Variants in PIEZO2 observed in about 807,000 individuals in gnomAD.
PIEZO2 encodes piezo type mechanosensitive ion channel component 2.
PIEZO2 carries 172 observed loss-of-function variants against 337.3 expected under a neutral mutation model. That is an observed-to-expected ratio of 0.51 (90% CI 0.45 to 0.58). The LOEUF is 0.58. Among genes scored for constraint, PIEZO2 ranks in the 20% least tolerant of loss-of-function variants. The pLI, the probability that PIEZO2 is intolerant of heterozygous loss-of-function variation, is 0.00. For synonymous variants in PIEZO2, 1,251 were observed against 1,228.5 expected (o/e 1.02, Z -0.38); for missense variants, 3,028 against 3,391.3 (o/e 0.89, Z 2.66).
chr18:10,894,998 A>T lies in PIEZO2; in HGVS notation c.329+16188T>A, dbSNP rs1179951123. Among the ~76,000 whole-genome samples the T allele has an allele frequency of 6.6e-6, 1 of 152,198 alleles. No homozygotes were observed. Among genetic ancestry groups the T allele is most frequent in the African/African-American group, 2.4e-5 (1 of 41,454 alleles). On this transcript the variant is annotated intron_variant, in intron 4 of 55. Coordinates refer to ENST00000674853, the MANE Select transcript of PIEZO2 (RefSeq NM_001378183.1). This position sits in a 1 kb window ranked among gnomAD's most constrained non-coding sequence, Gnocchi z 4.1. Reference sequence around the variant, plus strand: ...ATCCCTCCCTCTCTTTCCTGAGATGAGAGTCTGTAATGAAGAATTTGCCCG... The same window carrying T: ...ATCCCTCCCTCTCTTTCCTGAGATGTGAGTCTGTAATGAAGAATTTGCCCG...
chr18:11,116,468 C>A lies in PIEZO2; in HGVS notation c.64+32057G>T, dbSNP rs939626880. On this transcript the variant is annotated intron_variant, in intron 1 of 55. Transcript: ENST00000674853. This position sits in a 1 kb window ranked among gnomAD's most constrained non-coding sequence, Gnocchi z 5.0. ...GTGGCTCACGCCTGTAAACCCAGCA[C>A]TTTGGGAGGCCGAGCTGGGCGGATC... 2.0e-5 allele frequency among the ~76,000 whole-genome samples: 3 copies of A among 151,936 alleles called. No individual in the cohort carries two copies. Among genetic ancestry groups the A allele is most frequent in the African/African-American group, 7.3e-5 (3 of 41,334 alleles).
intron 2 of PIEZO2, among the ~76,000 whole-genome samples, chr18:10,998,464 G>A (rs369083588): frequency 6.6e-6 from 1 of 152,038 alleles, no homozygotes; most frequent in Non-Finnish European, 1.5e-5. Context: ...TACTTGGTGT[G>A]TACAGAAATA....
At chr18:10,736,875 G>T (rs1454016979) in intron 33 of PIEZO2, among the ~76,000 whole-genome samples, 165 bp from the exon 34 acceptor site, 1 of 152,166 alleles carries the variant, frequency 6.6e-6, no homozygotes, top group African/African-American at 2.4e-5. Context: ...CTCATCTTCG[G>T]CTAATGCTAC....
chr18:10,993,773 C>T lies in PIEZO2; in HGVS notation c.161-14113G>A, dbSNP rs998656927. On this transcript the variant is annotated intron_variant, in intron 2 of 55. Transcript: ENST00000674853. The surrounding 1 kb of genome is among the most constrained non-coding windows in gnomAD (Gnocchi z 5.0). Reference sequence around the variant, plus strand: ...CGATCTCCTGACTTCGTGATCTGCCCGCTTCGGCCTCCCAAAGTGCTGGGA... The same window carrying T: ...CGATCTCCTGACTTCGTGATCTGCCTGCTTCGGCCTCCCAAAGTGCTGGGA... 3.3e-5 allele frequency among the ~76,000 whole-genome samples: 5 copies of T among 152,110 alleles called. No homozygotes were observed. Among genetic ancestry groups the T allele is most frequent in the African/African-American group, 7.2e-5 (3 of 41,404 alleles).
intron 16 of PIEZO2, among the ~76,000 whole-genome samples, chr18:10,785,965 C>A (rs188963732): frequency 7.1e-4 from 108 of 152,314 alleles, no homozygotes; most frequent in Non-Finnish European, 1.3e-3. Context: ...CCACTCACCC[C>A]CTGTCTTCAG....
At chr18:11,023,704 G>A (rs960198568) in intron 2 of PIEZO2, among the ~76,000 whole-genome samples, 17 of 152,310 alleles carry the variant, frequency 1.1e-4, no homozygotes, top group African/African-American at 2.6e-4. Context: ...AGGGGGCGGC[G>A]CTCGTCCGGG....
chr18:10,931,678 T>G (rs1329289933), intron 3 of PIEZO2, among the ~76,000 whole-genome samples: 1 of 149,406 alleles, frequency 6.7e-6, no homozygotes, highest in Non-Finnish European at 1.5e-5. Flanking sequence ...CCTCTCATTC[T>G]CTCACTCTTT....
chr18:11,124,226 T>A (rs1384136775), intron 1 of PIEZO2, among the ~76,000 whole-genome samples: 2 of 152,164 alleles, frequency 1.3e-5, no homozygotes, highest in East Asian at 3.9e-4. Flanking sequence ...TGTGAGTTGC[T>A]CAATATTTGC....
At chr18:10,776,606 G>T (rs569193927) in intron 18 of PIEZO2, among the ~76,000 whole-genome samples, 87 of 152,240 alleles carry the variant, frequency 5.7e-4, no homozygotes, top group African/African-American at 2.0e-3. Context: ...TTTCTTCATC[G>T]GGAATCTGTT....
At chr18:10,798,786 G>C (rs2039700267) in intron 11 of PIEZO2, among the ~76,000 whole-genome samples, 2 of 152,162 alleles carry the variant, frequency 1.3e-5, no homozygotes, top group African/African-American at 4.8e-5. Flanking sequence ...GCTGACTCTT[G>C]GGCCCTGTGT....
Position 10,870,156 on chromosome 18 carries a change from C to T in PIEZO2, c.492+1097G>A, listed in dbSNP as rs897282102. ...CTCCCAAGGTGCTGGGATTACAGGT[C>T]TGAGCCACAGTGCCTGGCTAGACAA... On this transcript the variant is annotated intron_variant, in intron 5 of 55. Coordinates refer to ENST00000674853, the MANE Select transcript of PIEZO2 (RefSeq NM_001378183.1). The surrounding 1 kb of genome is among the most constrained non-coding windows in gnomAD (Gnocchi z 5.3). 1.3e-5 allele frequency among the ~76,000 whole-genome samples: 2 copies of T among 152,308 alleles called. No homozygotes were observed. The highest frequency in any genetic ancestry group is 4.1e-4 in the South Asian group (2 of 4,824).
intron 3 of PIEZO2, among the ~76,000 whole-genome samples, chr18:10,955,877 T>C (rs2033499579): frequency 6.6e-6 from 1 of 152,232 alleles, no homozygotes; most frequent in African/African-American, 2.4e-5. Flanking sequence ...TTGTTTGTTT[T>C]TAAGCTACCA....
chr18:10,752,822 G>A lies in PIEZO2; in HGVS notation c.3981C>T (p.Leu1327=), dbSNP rs952079724. The A allele has an allele frequency of 3.9e-6, 6 of 1,537,008 alleles. No individual in the cohort carries two copies. Among genetic ancestry groups the A allele is most frequent in the African/African-American group, 1.4e-5 (1 of 73,018 alleles). The change falls in exon 28 of 56, where the codon CTC becomes CTT. Residue 1327 remains leucine, a synonymous_variant. Coordinates refer to ENST00000674853, the MANE Select transcript of PIEZO2 (RefSeq NM_001378183.1). ...TGGTCCCAGTGATGAAGATGATGGT[G>A]AGCACAAACCAGAAGAGGTAGCTGA... ...IIFSYLFWFV[L]TIIFITGTTR... is the part of the protein sequence containing the mutation.
intron 7 of PIEZO2, among the ~76,000 whole-genome samples, chr18:10,852,467 C>G (rs538812506): frequency 6.6e-6 from 1 of 151,428 alleles, no homozygotes; most frequent in Non-Finnish European, 1.5e-5. Flanking sequence ...CATGTGCCCT[C>G]TCTCTCTCTC....
Position 10,863,190 on chromosome 18 carries a change from A to G in PIEZO2, c.493-5979T>C, listed in dbSNP as rs1453753635. Among the ~76,000 whole-genome samples the G allele has an allele frequency of 6.6e-6, 1 of 152,206 alleles. No homozygotes were observed. The highest frequency in any genetic ancestry group is 2.4e-5 in the African/African-American group (1 of 41,442). ...AACAGAATGGGTTCATCTCAATACA[A>G]GAGCCAGAGGAAGGAAAAGACAAGG... On this transcript the variant is annotated intron_variant, in intron 5 of 55. Coordinates refer to ENST00000674853, the MANE Select transcript of PIEZO2 (RefSeq NM_001378183.1). This position sits in a 1 kb window ranked among gnomAD's most constrained non-coding sequence, Gnocchi z 4.3.
chr18:10,708,221 AG>A (rs78656691), intron 40 of PIEZO2, 53 bp downstream of exon 40: 46,054 of 152,480 alleles, frequency 0.3, 7,163 homozygotes, highest in East Asian at 0.4. Flanking sequence ...AGTGACATAA[AG>A]GGGGGGAAGA....
Position 10,746,944 on chromosome 18 carries a change from T to C in PIEZO2, c.4424+1527A>G, listed in dbSNP as rs8087902. The stretch of plus-strand genomic sequence containing the variant: ...CGATACCAGGTGTACTGTAGTAGAA[T>C]TGCTTGCTCATGTGCCACTTTCCTG... On this transcript the variant is annotated intron_variant, in intron 30 of 55. Coordinates refer to ENST00000674853, the MANE Select transcript of PIEZO2 (RefSeq NM_001378183.1). This position sits in a 1 kb window ranked among gnomAD's most constrained non-coding sequence, Gnocchi z 4.2. Among the ~76,000 whole-genome samples the C allele has an allele frequency of 0.63, 95,915 of 151,726 alleles. 32,408 individuals are homozygous for C. The highest frequency in any genetic ancestry group is 0.89 in the African/African-American group (36,703 of 41,386).
chr18:10,719,531 T>C (rs1003995817), intron 36 of PIEZO2, among the ~76,000 whole-genome samples: 3 of 152,236 alleles, frequency 2.0e-5, no homozygotes, highest in African/African-American at 7.2e-5. Context: ...ATTTCATTCA[T>C]TTTTATGGCA....
chr18:10,859,285 G>A lies in PIEZO2; in HGVS notation c.493-2074C>T, dbSNP rs1204775914. ...AAAGAGGGTAAGTGTCCCCAGGCCC[G>A]TGGCCACTTCCGCTCCCCTAGAGAA... On this transcript the variant is annotated intron_variant, in intron 5 of 55. Coordinates refer to ENST00000674853, the MANE Select transcript of PIEZO2 (RefSeq NM_001378183.1). This position sits in a 1 kb window ranked among gnomAD's most constrained non-coding sequence, Gnocchi z 4.9. Among the ~76,000 whole-genome samples the A allele has an allele frequency of 5.3e-5, 8 of 152,160 alleles. 1 individual carries two copies. Among genetic ancestry groups the A allele is most frequent in the Non-Finnish European group, 2.9e-5 (2 of 68,024 alleles).
Sources: allele counts gnomAD v4.1 joint callset (sites outside exome capture counted in the v4.1 genomes callset), GRCh38; gene constraint gnomAD v4.1.1; non-coding constraint Gnocchi (gnomAD v3.1); transcripts MANE v1.5; gene names NCBI Gene and HGNC (gene_info 2026-07-23, HGNC 2026-07-21).